ZNF385D: variants seen among roughly 807,000 people sequenced by gnomAD.
ZNF385D encodes the protein zinc finger protein 659.
ZNF385D carries 15 observed loss-of-function variants against 35.8 expected under a neutral mutation model. The observed-to-expected ratio is 0.42, with a 90% CI of 0.28 to 0.64. The LOEUF (loss-of-function observed/expected upper bound fraction) is 0.64. Ranked by LOEUF, ZNF385D falls within the 30% of genes least tolerant of loss-of-function variation. The pLI is 0.23. For missense variants in ZNF385D, 474 were observed against 494.6 expected (o/e 0.96, Z 0.39); for synonymous variants, 212 against 186.8 (o/e 1.13, Z -1.10).
chr3:21,873,862 T>C lies in ZNF385D; in HGVS notation c.326-208834A>G, dbSNP rs189845523. 1.7e-4 allele frequency among the ~76,000 whole-genome samples: 26 copies of C among 152,226 alleles called. No homozygotes were observed. The East Asian group carries it at 5.0e-3, about 29-fold the overall frequency. On this transcript the variant is annotated intron_variant, in intron 3 of 5. Coordinates refer to the ZNF385D transcript ENST00000494108. Reference sequence around the variant, plus strand: ...TACTTCATTGTATGTGTATACCAGATTTTCTTTAACTATTTTTCTCTCCAT... The same window carrying C: ...TACTTCATTGTATGTGTATACCAGACTTTCTTTAACTATTTTTCTCTCCAT...
At chr3:21,522,299 G>A (rs1707957454) in intron 3 of ZNF385D, among the ~76,000 whole-genome samples, 1 of 151,948 alleles carries the variant, frequency 6.6e-6, no homozygotes. Context: ...CCCAGACTTA[G>A]AAAAATATTT....
At chr3:21,768,794 G>A (rs5018368) in intron 3 of ZNF385D, among the ~76,000 whole-genome samples, 74,547 of 151,558 alleles carry the variant, frequency 0.49, 18,865 homozygotes, top group African/African-American at 0.62. Flanking sequence ...ATGAGTTTCA[G>A]CTGGGGACGA....
At chr3:22,295,398 C>G (rs1298878389) in intron 2 of ZNF385D, among the ~76,000 whole-genome samples, 1 of 152,112 alleles carries the variant, frequency 6.6e-6, no homozygotes, top group Non-Finnish European at 1.5e-5. Context: ...TCACATGCCT[C>G]CAAAGGCTGT....
chr3:21,850,546 C>A lies in ZNF385D; in HGVS notation c.326-185518G>T, dbSNP rs149039294. Among the ~76,000 whole-genome samples, 577 of 152,186 alleles carry A rather than the reference C, an allele frequency of 3.8e-3. 3 individuals carry two copies. Among genetic ancestry groups the A allele is most frequent in the African/African-American group, 0.014 (561 of 41,534 alleles). ...GATTTACAATCTGTATAGTAGTTTC[C>A]TTGAGCATTTGGCTGAATGCTAAAT... On this transcript the variant is annotated intron_variant, in intron 3 of 5. Transcript: ENST00000494108.
intron 2 of ZNF385D, among the ~76,000 whole-genome samples, chr3:22,322,770 A>G (rs1157604537): frequency 1.3e-5 from 2 of 152,188 alleles, no homozygotes; most frequent in East Asian, 1.9e-4. Context: ...TTCTTCAACC[A>G]TCCAGTAATG....
chr3:22,139,638 A>G (rs941998601), intron 3 of ZNF385D, among the ~76,000 whole-genome samples: 1 of 151,982 alleles, frequency 6.6e-6, no homozygotes, highest in Non-Finnish European at 1.5e-5. Flanking sequence ...GGAGGGAGGG[A>G]TAGCATTAGG....
intron 3 of ZNF385D, among the ~76,000 whole-genome samples, chr3:22,125,264 A>C (rs570475482): frequency 6.6e-6 from 1 of 151,990 alleles, no homozygotes; most frequent in South Asian, 2.1e-4. Flanking sequence ...ATTCTCTTTC[A>C]CTAGTGTATG....
chr3:21,678,882 A>G (rs10510515), intron 1 of ZNF385D, among the ~76,000 whole-genome samples: 7,661 of 152,164 alleles, frequency 0.05, 280 homozygotes, highest in East Asian at 0.13. Context: ...TTGCCTATTT[A>G]TACAGTTTAA....
intron 3 of ZNF385D, among the ~76,000 whole-genome samples, chr3:22,022,419 T>C (rs915971953): frequency 6.6e-6 from 1 of 152,150 alleles, no homozygotes; most frequent in African/African-American, 2.4e-5. Context: ...GGAGTTATTC[T>C]ATGAAATTTC....
rs79346440 is a variant in ZNF385D, at chr3:21,901,990, T to G, written c.326-236962A>C. The stretch of plus-strand genomic sequence containing the variant: ...AGGATGGTCACAGTCTCTCTGTCCA[T>G]TGGGTGATAAGCTATTCTTTATTCC... On this transcript the variant is annotated intron_variant, in intron 3 of 5. Coordinates refer to the ZNF385D transcript ENST00000494108. Among the ~76,000 whole-genome samples the G allele has an allele frequency of 2.0e-3, 297 of 152,248 alleles. 1 individual carries two copies. Among genetic ancestry groups the G allele is most frequent in the African/African-American group, 6.8e-3 (283 of 41,556 alleles).
At chr3:21,979,255 G>C (rs1382818054) in intron 3 of ZNF385D, among the ~76,000 whole-genome samples, 1 of 151,612 alleles carries the variant, frequency 6.6e-6, no homozygotes, top group Non-Finnish European at 1.5e-5. Context: ...AAACAGAAGG[G>C]GGAAAAAAAC....
chr3:21,793,658 G>A (rs970167890), intron 3 of ZNF385D, among the ~76,000 whole-genome samples: 1 of 152,186 alleles, frequency 6.6e-6, no homozygotes, highest in Non-Finnish European at 1.5e-5. Flanking sequence ...TACAAGTCAA[G>A]TTGTAAAGCG....
chr3:21,509,376 C>G (rs141537018), intron 4 of ZNF385D, among the ~76,000 whole-genome samples: 5 of 152,148 alleles, frequency 3.3e-5, no homozygotes, highest in Admixed American at 3.3e-4. Context: ...ACCTGTGACC[C>G]AATATCCGGG....
intron 3 of ZNF385D, among the ~76,000 whole-genome samples, chr3:22,068,764 T>A (rs1174764868): frequency 2.0e-5 from 3 of 152,256 alleles, no homozygotes; most frequent in Non-Finnish European, 2.9e-5. Flanking sequence ...TTTCTACAGC[T>A]GACACGTGAA....
intron 4 of ZNF385D, among the ~76,000 whole-genome samples, chr3:21,463,707 G>T (rs1341574515): frequency 6.6e-6 from 1 of 152,172 alleles, no homozygotes; most frequent in African/African-American, 2.4e-5. Context: ...TTACATTCCA[G>T]CCCAAATATC....
At chr3:22,041,244 C>T (rs966684742) in intron 3 of ZNF385D, among the ~76,000 whole-genome samples, 1 of 152,022 alleles carries the variant, frequency 6.6e-6, no homozygotes, top group Non-Finnish European at 1.5e-5. Context: ...CACATGGTTG[C>T]ATATCATTAG....
chr3:22,134,430 C>A (rs932401368), intron 3 of ZNF385D: 1 of 152,136 alleles, frequency 6.6e-6, no homozygotes, highest in Admixed American at 6.6e-5. Context: ...CCAAACCTCT[C>A]TCTTAGCAAT....
intron 1 of ZNF385D, among the ~76,000 whole-genome samples, chr3:21,743,756 G>A (rs2069631058): frequency 6.6e-6 from 1 of 152,160 alleles, no homozygotes; most frequent in Non-Finnish European, 1.5e-5. Flanking sequence ...TTATACGTTT[G>A]GGAAACAGGG....
chr3:21,706,615 C>T (rs979660781), intron 1 of ZNF385D, among the ~76,000 whole-genome samples: 5 of 152,138 alleles, frequency 3.3e-5, no homozygotes, highest in African/African-American at 1.2e-4. Context: ...CAGAAGTGAT[C>T]AAGGACCAGG....
Sources: allele counts gnomAD v4.1 joint callset (sites outside exome capture counted in the v4.1 genomes callset), GRCh38; gene constraint gnomAD v4.1.1; transcripts MANE v1.5; gene names NCBI Gene and HGNC (gene_info 2026-07-23, HGNC 2026-07-21).